The following ZNF26 variants were observed in gnomAD, a reference collection of about 807,000 sequenced individuals.
ZNF26 encodes zinc finger protein 26.
ZNF26 carries 32 observed loss-of-function variants against 54.9 expected under a neutral mutation model. That is an observed-to-expected ratio of 0.58 (90% CI 0.44 to 0.78). The LOEUF is 0.78. ZNF26 is among the 30% of genes least tolerant of loss of function. ZNF26 has a pLI of 0.00. For synonymous variants in ZNF26, 221 were observed against 209.2 expected (o/e 1.06, Z -0.49); for missense variants, 524 against 634.0 (o/e 0.83, Z 1.86).
intron 3 of ZNF26, among the ~76,000 whole-genome samples, chr12:133,009,207 TAGC>T (rs1953412722): frequency 6.6e-6 from 1 of 152,238 alleles, no homozygotes; most frequent in Non-Finnish European, 1.5e-5. Context: ...ACTGCTACAA[TAGC>T]TTCCTAAAGT....
At chr12:132,994,294 G>C (rs1471374073) in intron 1 of ZNF26, among the ~76,000 whole-genome samples, 4 of 152,178 alleles carry the variant, frequency 2.6e-5, no homozygotes, top group Non-Finnish European at 5.9e-5. Context: ...CTCTAATTTT[G>C]GGGACAGTGG....
chr12:133,001,108 C>T lies in ZNF26; in HGVS notation c.34-5934C>T, dbSNP rs1953210114. 6.6e-6 allele frequency among the ~76,000 whole-genome samples: 1 copy of T among 152,106 alleles called. No individual in the cohort carries two copies. Among genetic ancestry groups the T allele is most frequent in the African/African-American group, 2.4e-5 (1 of 41,424 alleles). ...TCTTCTCCCTCAGATTTAAAGTAAC[C>T]AGCTTGATAAGCACCTCAACGTAAT... On this transcript the variant is annotated intron_variant, in intron 1 of 3. Transcript: ENST00000328654. This position sits in a 1 kb window ranked among gnomAD's most constrained non-coding sequence, Gnocchi z 4.7.
rs948409798 is a variant in ZNF26, at chr12:133,018,644, C to T, written c.*7163C>T. 4.8e-4 allele frequency: 73 copies of T among 152,202 alleles called. No homozygotes were observed. The highest frequency in any genetic ancestry group is 1.6e-3 in the African/African-American group (67 of 41,536). The allele number at this position is 152,202 out of a possible 1,614,324, so 9.4% of individuals were successfully genotyped here. A position where few individuals can be genotyped will look rare whatever the true frequency, so the allele number is the denominator to read the frequency against. ...GCAGCATATGTAAATCTAACTATAT[C>T]AATAATAACTTTTTTTTAAGAGGGT... On this transcript the variant is annotated 3_prime_UTR_variant, in exon 4 of 4. Transcript: ENST00000328654.
chr12:133,001,482 G>C lies in ZNF26; in HGVS notation c.34-5560G>C, dbSNP rs1298838300. 2.7e-6 allele frequency: 1 copy of C among 366,368 alleles called. No individual in the cohort carries two copies. The highest frequency in any genetic ancestry group is 3.7e-5 in the Admixed American group (1 of 27,256). 22.7% of individuals were successfully genotyped at this position (366,368 alleles called of 1,614,324 possible). On this transcript the variant is annotated intron_variant, in intron 1 of 3. Transcript: ENST00000328654. This position sits in a 1 kb window ranked among gnomAD's most constrained non-coding sequence, Gnocchi z 4.7. ...TGTTGTGCGGTGGTCAGTACCCAGA[G>C]TTATGACAGGCATCAGTGGGGCTTG...
rs976022057 is a variant in ZNF26 at position 132,990,375 on chromosome 12, C to A, written c.33+3502C>A. On this transcript the variant is annotated intron_variant, in intron 1 of 3. Transcript: ENST00000328654. ...GATGGAACTGATTCAAGTATTGAAC[C>A]AACCTTACATACCAGGAATAAATCC... Among the ~76,000 whole-genome samples, 8 of 152,168 alleles carry A rather than the reference C, an allele frequency of 5.3e-5. No individual in the cohort carries two copies. In the East Asian group the frequency reaches 1.5e-3, roughly 29 times the overall value.
At position 133,025,445 on chromosome 12, in the gene ZNF26, T is replaced by C. The variant is rs2137290037; in HGVS notation, c.*13964T>C. The stretch of plus-strand genomic sequence containing the variant: ...GACATTGGGATCTTGGGGGAGGAGA[T>C]GGCTGTACTTTGCATGGGGGGGATG... On this transcript the variant is annotated 3_prime_UTR_variant, in exon 4 of 4. Transcript: ENST00000328654. 1 of 152,220 alleles carries C rather than the reference T, an allele frequency of 6.6e-6. No individual in the cohort carries two copies. Among genetic ancestry groups the C allele is most frequent in the African/African-American group, 2.4e-5 (1 of 41,536 alleles). 9.4% of individuals were successfully genotyped at this position (152,220 alleles called of 1,614,324 possible).
At chr12:132,993,375 ATAT>A (rs1412105554) in intron 1 of ZNF26, among the ~76,000 whole-genome samples, 1 of 151,522 alleles carries the variant, frequency 6.6e-6, no homozygotes, top group Non-Finnish European at 1.5e-5. Context: ...AGCCCATAAC[ATAT>A]TATTCATGGT....
intron 3 of ZNF26, among the ~76,000 whole-genome samples, chr12:133,008,775 CAAAAAAAAA>C: frequency 1.6e-5 from 1 of 61,468 alleles, no homozygotes; most frequent in Admixed American, 2.0e-4. Flanking sequence ...GACTCCATCT[CAAAAAAAAA>C]AAAAAAAAAA....
At chr12:132,990,148 C>T (rs987860969) in intron 1 of ZNF26, among the ~76,000 whole-genome samples, 7 of 152,106 alleles carry the variant, frequency 4.6e-5, no homozygotes, top group South Asian at 2.1e-4. Flanking sequence ...AATAGCTGGG[C>T]GTGGTGACAC....
Position 133,010,505 on chromosome 12 carries a change from G to A in ZNF26, c.626G>A (p.Arg209Lys). 3 of 1,613,970 alleles carry A rather than the reference G, an allele frequency of 1.9e-6. No homozygotes were observed. The highest frequency in any genetic ancestry group is 1.7e-6 in the Non-Finnish European group (2 of 1,179,994). ...CCTTATGAATGCAGTAAATGTGAAAGAGCCTTCAGTGCCAAGTCAAACCTT... is the reference window on the plus strand; with the variant it reads ...CCTTATGAATGCAGTAAATGTGAAAAAGCCTTCAGTGCCAAGTCAAACCTT... ...ERPYECSKCE[R>K]AFSAKSNLNA... Residue 209 changes from arginine to lysine, a missense_variant, in exon 4 of 4, where the codon AGA becomes AAA. Transcript: ENST00000328654.
chr12:132,994,426 C>A (rs1245045569), intron 1 of ZNF26, among the ~76,000 whole-genome samples: 1 of 152,186 alleles, frequency 6.6e-6, no homozygotes, highest in African/African-American at 2.4e-5. Context: ...ACATGCAGAA[C>A]TGGAACTATT....
At position 133,012,240 on chromosome 12, in the gene ZNF26, C is replaced by A. The variant is rs763618469; in HGVS notation, c.*759C>A. The A allele has an allele frequency of 6.6e-6, 1 of 152,066 alleles. No homozygotes were observed. The highest frequency in any genetic ancestry group is 2.4e-5 in the African/African-American group (1 of 41,406). The allele number at this position is 152,066 out of a possible 1,614,324, so 9.4% of individuals were successfully genotyped here. Reference sequence around the variant, plus strand: ...GTTGTCCATTGATTGACATGAGCACCCCTGTTTTCTCTGGAGAAATACCTC... The same window carrying A: ...GTTGTCCATTGATTGACATGAGCACACCTGTTTTCTCTGGAGAAATACCTC... On this transcript the variant is annotated 3_prime_UTR_variant, in exon 4 of 4. Transcript: ENST00000328654.
chr12:132,987,610 A>G (rs1049350184), intron 1 of ZNF26: 21 of 712,496 alleles, frequency 2.9e-5, no homozygotes, highest in Non-Finnish European at 3.4e-5. Flanking sequence ...CTATTGGAAG[A>G]GGGACCCTGG....
chr12:133,003,242 A>T (rs1170129829), intron 1 of ZNF26, among the ~76,000 whole-genome samples: 1 of 149,670 alleles, frequency 6.7e-6, no homozygotes, highest in African/African-American at 2.5e-5. Context: ...GCTTCTGTTT[A>T]TGTAGTTCCC....
intron 3 of ZNF26, among the ~76,000 whole-genome samples, chr12:133,008,632 G>A (rs887478060): frequency 4.0e-5 from 6 of 149,892 alleles, no homozygotes; most frequent in Non-Finnish European, 7.4e-5. Context: ...AAAAATTAGC[G>A]GGGTGTGGTG....
chr12:133,006,556 G>C (rs1953332296), intron 1 of ZNF26: 1 of 153,826 alleles, frequency 6.5e-6, no homozygotes, highest in South Asian at 2.0e-4. Flanking sequence ...ACCCAAGAGA[G>C]TACCGGCAAA....
At position 133,025,061 on chromosome 12, in the gene ZNF26, A is replaced by C. The variant is rs1232819364; in HGVS notation, c.*13580A>C. The stretch of plus-strand genomic sequence containing the variant: ...GGATGACTCAGAGAGCAGAACTAAG[A>C]TCCAGAGGGTAGAGCAAAGAGCCAT... On this transcript the variant is annotated 3_prime_UTR_variant, in exon 4 of 4. Coordinates refer to ENST00000328654, the MANE Select transcript of ZNF26 (RefSeq NM_019591.4). 6.6e-6 allele frequency: 1 copy of C among 152,242 alleles called. No homozygotes were observed. The highest frequency in any genetic ancestry group is 1.5e-5 in the Non-Finnish European group (1 of 68,058). 9.4% of individuals were successfully genotyped at this position (152,242 alleles called of 1,614,324 possible). A position where few individuals can be genotyped will look rare whatever the true frequency, so the allele number is the denominator to read the frequency against.
At chr12:132,987,011 C>A in intron 1 of ZNF26, 138 bp downstream of exon 1, 85 of 918,214 alleles carry the variant, frequency 9.3e-5, no homozygotes, top group Middle Eastern at 2.2e-4. Flanking sequence ...CCCTCCCCAC[C>A]AAACCAAAGC....
In ZNF26 at chr12:133,019,891, T is replaced by A. The variant is rs1001388079; in HGVS notation, c.*8410T>A. 1 of 151,192 alleles carries A rather than the reference T, an allele frequency of 6.6e-6. No homozygotes were observed. The highest frequency in any genetic ancestry group is 1.5e-5 in the Non-Finnish European group (1 of 67,818). 9.4% of individuals were successfully genotyped at this position (151,192 alleles called of 1,614,324 possible). On this transcript the variant is annotated 3_prime_UTR_variant, in exon 4 of 4. Coordinates refer to ENST00000328654, the MANE Select transcript of ZNF26 (RefSeq NM_019591.4). ...TGGGTGGATCACTTGAGGTCAAGAG[T>A]TCAAGACCAGCTTCACCAGCCTGGT...
Sources: gnomAD v4.1 joint callset for allele counts (sites outside exome capture counted in the v4.1 genomes callset) on GRCh38, gnomAD v4.1.1 for gene constraint, Gnocchi (gnomAD v3.1) non-coding constraint, MANE v1.5 for transcripts, NCBI Gene and HGNC (gene_info 2026-07-23, HGNC 2026-07-21) for gene names.